The following ACP2 variants were observed in gnomAD, a reference collection of about 807,000 sequenced individuals.
ACP2 encodes the protein acid phosphatase 2, lysosomal.
ACP2 carries 35 observed loss-of-function variants against 54.7 expected under a neutral mutation model. That is an observed-to-expected ratio of 0.64 (90% CI 0.49 to 0.85). The LOEUF (loss-of-function observed/expected upper bound fraction) is 0.85. ACP2 is among the 40% of genes least tolerant of loss of function. The probability of loss-of-function intolerance (pLI) is 0.00; values close to 1 mark genes in which losing one functional copy is unlikely to be tolerated. For missense variants in ACP2, 492 were observed against 565.0 expected (o/e 0.87, Z 1.31); for synonymous variants, 210 against 224.4 (o/e 0.94, Z 0.57).
chr11:47,244,629 A>G lies in ACP2; in HGVS notation c.772+106T>C. The G allele has an allele frequency of 2.3e-6, 2 of 857,182 alleles. 1 individual carries two copies. Among genetic ancestry groups the G allele is most frequent in the Non-Finnish European group, 3.4e-6 (2 of 589,090 alleles). 53.1% of individuals were successfully genotyped at this position (857,182 alleles called of 1,614,324 possible). Reference sequence around the variant, plus strand: ...GAGGGGGATTTGGTTTTGAAAGAGCAGGGAGTGTTTCAGTAGAGAGGGAAG... The same window carrying G: ...GAGGGGGATTTGGTTTTGAAAGAGCGGGGAGTGTTTCAGTAGAGAGGGAAG... On this transcript the variant is annotated intron_variant, in intron 7 of 10. Coordinates refer to ENST00000672073, the MANE Select transcript of ACP2 (RefSeq NM_001610.4).
intron 6 of ACP2, 41 bp downstream of exon 6, chr11:47,245,264 A>T (rs1405914187): frequency 6.3e-7 from 1 of 1,599,556 alleles, no homozygotes; most frequent in Non-Finnish European, 8.6e-7. Context: ...GCCTGCTGAG[A>T]GGGAAAAGAA....
Position 47,247,709 on chromosome 11 carries a change from A to T in ACP2, c.229T>A (p.Trp77Arg). The T allele has an allele frequency of 1.2e-6, 2 of 1,613,826 alleles. No individual in the cohort carries two copies. The highest frequency in any genetic ancestry group is 1.7e-6 in the Non-Finnish European group (2 of 1,180,022). ...QLTKEGMLQH[W>R]ELGQALRQRY... ...TGCCGCAGGGCCTGGCCCAGTTCCC[A>T]GTGCTGTAGCATCCCCTCCTGTGGG... The change falls in exon 3 of 11, where the codon TGG becomes AGG. Residue 77 changes from tryptophan (W) to arginine (R), a missense_variant. Coordinates refer to ENST00000672073, the MANE Select transcript of ACP2 (RefSeq NM_001610.4).
At chr11:47,240,428 G>A (rs1438338249) in intron 10 of ACP2, among the ~76,000 whole-genome samples, 179 bp from the exon 11 acceptor site, 1 of 152,216 alleles carries the variant, frequency 6.6e-6, no homozygotes, top group Non-Finnish European at 1.5e-5. Context: ...AGTGGCTCAC[G>A]CCTATAATCC....
intron 6 of ACP2, 44 bp downstream of exon 6, chr11:47,245,261 G>A (rs1954023525): frequency 6.3e-6 from 10 of 1,597,378 alleles, no homozygotes; most frequent in Non-Finnish European, 8.6e-6. Context: ...TGGGCCTGCT[G>A]AGAGGGAAAA....
Position 47,248,081 on chromosome 11 carries a change from T to G in ACP2, c.167A>C (p.Tyr56Ser). 6.2e-7 allele frequency: 1 copy of G among 1,610,836 alleles called. No homozygotes were observed. The change falls in exon 2 of 11, where the codon TAT becomes TCT. Residue 56 changes from tyrosine to serine, a missense_variant. Physicochemically the swap from Tyr to Ser is moderately radical, Grantham distance 144. Coordinates refer to ENST00000672073, the MANE Select transcript of ACP2 (RefSeq NM_001610.4). ...SPVKTYPKDP[Y>S]QEEEWPQGFG... ...CCCCTGGGGCCATTCTTCTTCCTGA[T>G]AGGGGTCCTTGGGATATGTCTTCAC...
chr11:47,242,732 C>T lies in ACP2; in HGVS notation c.1129G>A (p.Ala377Thr). 1.2e-6 allele frequency: 2 copies of T among 1,613,128 alleles called. No individual in the cohort carries two copies. Among genetic ancestry groups the T allele is most frequent in the Non-Finnish European group, 1.7e-6 (2 of 1,179,458 alleles). Residue 377 changes from alanine (A) to threonine (T), a missense_variant, in exon 10 of 11, where the codon GCA becomes ACA. Ala to Thr is a moderately conservative substitution (Grantham distance 58, BLOSUM62 0). Transcript: ENST00000672073. ...QQECQLASGP[A>T]DTEVIVALAV... is the part of the protein sequence containing the mutation. Reference sequence around the variant, plus strand: ...GCCGGTGACAGCTCACCTGTGTCTGCAGGACCGCTTGCCAGCTGGCACTCC... The same window carrying T: ...GCCGGTGACAGCTCACCTGTGTCTGTAGGACCGCTTGCCAGCTGGCACTCC...
chr11:47,245,792 C>CA lies in ACP2; in HGVS notation c.339dup (p.Ala114CysfsTer2), dbSNP rs755270835. The CA allele has an allele frequency of 6.2e-7, 1 of 1,600,470 alleles. No individual in the cohort carries two copies. The highest frequency in any genetic ancestry group is 1.3e-5 in the African/African-American group (1 of 74,420). On this transcript the variant is annotated frameshift_variant, in exon 4 of 11. Coordinates refer to ENST00000672073, the MANE Select transcript of ACP2 (RefSeq NM_001610.4). LOFTEE classifies it high-confidence loss of function. Reference sequence around the variant, plus strand: ...AAGAGTCCAGCCAGGTTGGCCTCAGCACTCATGAGAGTCCGGTCAAAGTCT... The same window carrying CA: ...AAGAGTCCAGCCAGGTTGGCCTCAGCAACTCATGAGAGTCCGGTCAAAGTCT...
Position 47,245,524 on chromosome 11 carries a change from T to C in ACP2, c.499A>G (p.Asn167Asp). Residue 167 changes from asparagine (N) to aspartate (D), a missense_variant, in exon 5 of 11, where the codon AAC becomes GAC. Coordinates refer to ENST00000672073, the MANE Select transcript of ACP2 (RefSeq NM_001610.4). ...GPCPRYEQLQ[N>D]ETRQTPEYQN... The stretch of plus-strand genomic sequence containing the variant: ...TACTCTGGTGTCTGCCGGGTCTCGT[T>C]CTGCAGCTGCTCATAACGGGGACAT... The C allele has an allele frequency of 6.2e-7, 1 of 1,614,226 alleles. No individual in the cohort carries two copies. The highest frequency in any genetic ancestry group is 8.5e-7 in the Non-Finnish European group (1 of 1,180,038).
intron 6 of ACP2, 88 bp from the exon 7 acceptor site, chr11:47,244,955 T>C: frequency 6.7e-7 from 1 of 1,484,168 alleles, no homozygotes; most frequent in Non-Finnish European, 8.9e-7. Flanking sequence ...AAGGTGCCTG[T>C]GTGTGTGAGG....
At chr11:47,244,479 C>T (rs2135530955) in intron 7 of ACP2, among the ~76,000 whole-genome samples, 1 of 151,904 alleles carries the variant, frequency 6.6e-6, no homozygotes, top group East Asian at 1.9e-4. Flanking sequence ...CGAGCCATTG[C>T]ACTCCAGCCT....
intron 10 of ACP2, among the ~76,000 whole-genome samples, chr11:47,241,493 G>T (rs1953878105): frequency 6.6e-6 from 1 of 152,132 alleles, no homozygotes. Flanking sequence ...CTCCAGCCTG[G>T]GCAACAAGAG....
intron 10 of ACP2, among the ~76,000 whole-genome samples, chr11:47,241,369 C>T (rs1254290459): frequency 6.6e-6 from 1 of 152,004 alleles, no homozygotes; most frequent in African/African-American, 2.4e-5. Context: ...AATACAAAAT[C>T]AGCTGGGCAT....
rs1953939691 is a variant in ACP2 at position 47,243,183 on chromosome 11, GAGA to G, written c.855+53_855+55del. ...TCCCCACACCCGCAGGAACCGAACA[GAGA>G]AGAAATCCAGCTCCTTGCCTGACAC... On this transcript the variant is annotated intron_variant, in intron 8 of 10. Transcript: ENST00000672073. 10 of 1,613,328 alleles carry G rather than the reference GAGA, an allele frequency of 6.2e-6. No homozygotes were observed. In the African/African-American group the frequency reaches 8.0e-5, roughly 13 times the overall value.
intron 10 of ACP2, among the ~76,000 whole-genome samples, chr11:47,241,596 T>A (rs535652825): frequency 2.4e-4 from 36 of 152,270 alleles, no homozygotes; most frequent in African/African-American, 8.7e-4. Context: ...ACTAGGAAGC[T>A]TTTCATTCGG....
chr11:47,242,643 GC>G, intron 10 of ACP2, 79 bp downstream of exon 10: 9 of 1,520,618 alleles, frequency 5.9e-6, no homozygotes, highest in Non-Finnish European at 8.1e-6. Context: ...GGCTGGAAGT[GC>G]GACAGCTCTT....
At chr11:47,247,420 G>A (rs1003191238) in intron 3 of ACP2, 5 of 598,842 alleles carry the variant, frequency 8.3e-6, no homozygotes, top group Middle Eastern at 7.8e-4. Flanking sequence ...CCTTAAGTCC[G>A]AATTTGGATG....
At chr11:47,247,942 GA>G (rs1954261819) in intron 2 of ACP2, 95 bp downstream of exon 2, 1 of 1,141,784 alleles carries the variant, frequency 8.8e-7, no homozygotes, top group Non-Finnish European at 1.3e-6. Flanking sequence ...ACCCATATGG[GA>G]AAAGGCAGTT....
chr11:47,248,316 A>C, intron 1 of ACP2, 183 bp from the exon 2 acceptor site: 3 of 1,054,476 alleles, frequency 2.8e-6, no homozygotes, highest in Non-Finnish European at 4.0e-6. Context: ...AACTTAGCTA[A>C]GCAATGCTAC....
At chr11:47,242,580 G>GT in intron 10 of ACP2, 143 bp downstream of exon 10, 1 of 875,732 alleles carries the variant, frequency 1.1e-6, no homozygotes, top group South Asian at 1.6e-5. Flanking sequence ...GTGGGGAGAA[G>GT]GTATAAAGCA....
Sources: allele counts gnomAD v4.1 joint callset (sites outside exome capture counted in the v4.1 genomes callset), GRCh38; gene constraint gnomAD v4.1.1; transcripts MANE v1.5; gene names NCBI Gene and HGNC (gene_info 2026-07-23, HGNC 2026-07-21).